Variants in TACC3 observed in about 807,000 individuals in gnomAD.
The protein encoded by TACC3 is transforming acidic coiled-coil containing protein 3.
In TACC3, 52 loss-of-function variants were observed where a neutral mutation model predicts 86.0. The ratio of observed to expected loss-of-function variants is 0.60; its 90% confidence interval spans 0.48 to 0.76. The LOEUF (loss-of-function observed/expected upper bound fraction) is 0.76. TACC3 is among the 30% of genes least tolerant of loss of function. The pLI is 0.00. For synonymous variants in TACC3, 512 were observed against 430.0 expected (o/e 1.19, Z -2.36); for missense variants, 1,120 against 1,070.4 (o/e 1.05, Z -0.65).
At chr4:1,730,063 G>T (rs1028533161) in intron 4 of TACC3, among the ~76,000 whole-genome samples, 5 of 145,978 alleles carry the variant, frequency 3.4e-5, no homozygotes, top group Non-Finnish European at 6.1e-5. Flanking sequence ...TTTTGAGACA[G>T]AGTCTCGCTC....
chr4:1,737,835 C>T (rs1270503107), intron 10 of TACC3, 133 bp downstream of exon 10: 1 of 898,714 alleles, frequency 1.1e-6, no homozygotes. Flanking sequence ...GGTGGAATTG[C>T]AGAGAGCTGC....
intron 13 of TACC3, chr4:1,741,219 C>T (rs1002023668): frequency 4.5e-5 from 19 of 426,784 alleles, no homozygotes; most frequent in Middle Eastern, 6.3e-4. Flanking sequence ...CCATCTGAGC[C>T]GTCCGCTGTT....
rs567264061 is a variant in TACC3 at position 1,722,604 on chromosome 4, C to A, written c.-1-817C>A. On this transcript the variant is annotated intron_variant, in intron 1 of 15. Transcript: ENST00000313288. Reference sequence around the variant, plus strand: ...GACCCTCCCCAACTTTGCTCTTCTTCAAATCAAAGCCTCCCCAGGTCCCCC... The same window carrying A: ...GACCCTCCCCAACTTTGCTCTTCTTAAAATCAAAGCCTCCCCAGGTCCCCC... Among the ~76,000 whole-genome samples, 13 of 152,328 alleles carry A rather than the reference C, an allele frequency of 8.5e-5. No homozygotes were observed. In the South Asian group the frequency reaches 2.7e-3, roughly 32 times the overall value.
rs895212633 is a variant in TACC3 at position 1,735,429 on chromosome 4, C to A, written c.1644+104C>A. The A allele has an allele frequency of 7.6e-7, 1 of 1,319,422 alleles. No homozygotes were observed. The highest frequency in any genetic ancestry group is 1.1e-6 in the Non-Finnish European group (1 of 921,580). The allele number at this position is 1,319,422 out of a possible 1,614,324, so 81.7% of individuals were successfully genotyped here. A position where few individuals can be genotyped will look rare whatever the true frequency, so the allele number is the denominator to read the frequency against. On this transcript the variant is annotated intron_variant, in intron 7 of 15. Transcript: ENST00000313288. The surrounding 1 kb of genome is among the most constrained non-coding windows in gnomAD (Gnocchi z 4.2). The stretch of plus-strand genomic sequence containing the variant: ...TCCCTTGGTGCCCACGTCCCCCCAG[C>A]TGCACACAGGCCCAGGCATTGTGGC...
chr4:1,739,966 A>G lies in TACC3; in HGVS notation c.2026A>G (p.Met676Val), dbSNP rs1358014440. ...TCTGTTCTCCTCCCACAGGAAGATC[A>G]TGGACAGGTTCGAAGAGGTTGTGTA... ...HGKNLELGKI[M>V]DRFEEVVYQA... The change falls in exon 12 of 16, where the codon ATG becomes GTG. Residue 676 changes from methionine to valine, a missense_variant. By Grantham distance (21) the Met-to-Val change is conservative. Coordinates refer to ENST00000313288, the MANE Select transcript of TACC3 (RefSeq NM_006342.3). 1.2e-6 allele frequency: 2 copies of G among 1,612,964 alleles called. No homozygotes were observed.
rs199888545 is a variant in TACC3 at position 1,735,677 on chromosome 4, C to T, written c.1645-54C>T. 26 of 1,430,694 alleles carry T rather than the reference C, an allele frequency of 1.8e-5. No homozygotes were observed. Among genetic ancestry groups the T allele is most frequent in the Non-Finnish European group, 2.1e-5 (21 of 1,017,428 alleles). 88.6% of individuals were successfully genotyped at this position (1,430,694 alleles called of 1,614,324 possible). A position where few individuals can be genotyped will look rare whatever the true frequency, so the allele number is the denominator to read the frequency against. ...GGTGACCTCCCTGGCCCTTAGCCCCCGTGTGTGTTAGGGGATGGCAGTCAG... is the reference window on the plus strand; with the variant it reads ...GGTGACCTCCCTGGCCCTTAGCCCCTGTGTGTGTTAGGGGATGGCAGTCAG... On this transcript the variant is annotated intron_variant, in intron 7 of 15. Transcript: ENST00000313288. This position sits in a 1 kb window ranked among gnomAD's most constrained non-coding sequence, Gnocchi z 4.2.
At chr4:1,724,002 T>G in intron 3 of TACC3, 132 bp downstream of exon 3, 1 of 1,020,568 alleles carries the variant, frequency 9.8e-7, no homozygotes, top group Admixed American at 2.3e-5. Flanking sequence ...GGAGTCTCGC[T>G]CTGTTGCCCA....
At chr4:1,738,547 A>G (rs924844949) in intron 10 of TACC3, among the ~76,000 whole-genome samples, 9 of 152,342 alleles carry the variant, frequency 5.9e-5, no homozygotes, top group African/African-American at 1.9e-4. Context: ...GAAATGCACA[A>G]TGCTTGTTCT....
At chr4:1,737,418 C>A in intron 9 of TACC3, 90 bp downstream of exon 9, 2 of 1,365,300 alleles carry the variant, frequency 1.5e-6, no homozygotes, top group Non-Finnish European at 2.1e-6. Flanking sequence ...TCCTGGGGGT[C>A]TGAGCCTTTG....
At chr4:1,733,000 T>C (rs1437880346) in intron 6 of TACC3, among the ~76,000 whole-genome samples, 1 of 152,222 alleles carries the variant, frequency 6.6e-6, no homozygotes, top group East Asian at 1.9e-4. Flanking sequence ...ACCTTTTAGC[T>C]ACCAGGTGGC....
intron 8 of TACC3, among the ~76,000 whole-genome samples, chr4:1,736,078 T>G (rs1718249031): frequency 6.6e-6 from 1 of 152,256 alleles, no homozygotes; most frequent in Non-Finnish European, 1.5e-5. Flanking sequence ...GCCACCGTTC[T>G]AGGTATATTA....
Position 1,744,582 on chromosome 4 carries a change from G to A in TACC3, c.2288G>A (p.Arg763Lys), listed in dbSNP as rs1326870982. ...GCAAGGATCACCCAGGAGGGCCAGA[G>A]GTACCAAGCCCTGAAGGCCCACGCG... ...YLARITQEGQ[R>K]YQALKAHAEE... is the part of the protein sequence containing the mutation. The change falls in exon 14 of 16, where the codon AGG becomes AAG. Residue 763 changes from arginine (R) to lysine (K), a missense_variant. Arg to Lys is a conservative substitution (Grantham distance 26). Transcript: ENST00000313288. The A allele has an allele frequency of 3.1e-6, 5 of 1,613,164 alleles. No individual in the cohort carries two copies. Among genetic ancestry groups the A allele is most frequent in the Non-Finnish European group, 4.2e-6 (5 of 1,180,014 alleles).
rs1717678682 is a variant in TACC3 at position 1,726,170 on chromosome 4, T to G, written c.306-1538T>G. Among the ~76,000 whole-genome samples the G allele has an allele frequency of 2.0e-5, 3 of 152,122 alleles. No homozygotes were observed. In the South Asian group the frequency reaches 6.2e-4, roughly 32 times the overall value. The stretch of plus-strand genomic sequence containing the variant: ...GGCCCTGCGCCATGCAGTCCCACAT[T>G]GTGAGCAGCGAGTGCCCCAGAGACA... On this transcript the variant is annotated intron_variant, in intron 3 of 15. Coordinates refer to ENST00000313288, the MANE Select transcript of TACC3 (RefSeq NM_006342.3).
intron 9 of TACC3, 25 bp from the exon 10 acceptor site, chr4:1,737,573 C>T: frequency 6.8e-7 from 1 of 1,473,490 alleles, no homozygotes; most frequent in Non-Finnish European, 9.1e-7. Context: ...GAAATGGGTT[C>T]CTGTTTCATC....
intron 6 of TACC3, 38 bp downstream of exon 6, chr4:1,731,339 C>A: frequency 1.2e-6 from 2 of 1,600,194 alleles, no homozygotes; most frequent in South Asian, 1.1e-5. Flanking sequence ...ACAGTCTGCC[C>A]GGAGGGGATC....
At position 1,744,808 on chromosome 4, in the gene TACC3, G is replaced by C; in HGVS notation, c.2427G>C (p.Ser809=). 6.2e-7 allele frequency: 1 copy of C among 1,612,928 alleles called. No individual in the cohort carries two copies. The highest frequency in any genetic ancestry group is 8.5e-7 in the Non-Finnish European group (1 of 1,180,028). Residue 809 remains serine, a synonymous_variant, in exon 15 of 16, where the codon TCG becomes TCC. Transcript: ENST00000313288. ...SLRKEQMRIQ[S]LEKTVEQKTK... ...GGAAGGAGCAGATGCGCATCCAGTC[G>C]CTGGAGAAGACAGTGGAGCAGAAGG...
intron 6 of TACC3, among the ~76,000 whole-genome samples, chr4:1,732,989 C>A: frequency 6.6e-6 from 1 of 152,212 alleles, no homozygotes; most frequent in East Asian, 1.9e-4. Flanking sequence ...TAACTCTGCT[C>A]ACCTTTTAGC....
chr4:1,745,123 T>C lies in TACC3; in HGVS notation c.*110T>C. ...TCTTGTCTTCAACTTTTTTAAAAAC[T>C]AGATTGCTTTGAAAACATGACTCAA... On this transcript the variant is annotated 3_prime_UTR_variant, in exon 16 of 16. Coordinates refer to ENST00000313288, the MANE Select transcript of TACC3 (RefSeq NM_006342.3). 8.8e-7 allele frequency: 1 copy of C among 1,140,456 alleles called. No homozygotes were observed. Among genetic ancestry groups the C allele is most frequent in the Non-Finnish European group, 1.2e-6 (1 of 804,220 alleles). 70.6% of individuals were successfully genotyped at this position (1,140,456 alleles called of 1,614,324 possible).
At chr4:1,725,859 C>T (rs1665365) in intron 3 of TACC3, among the ~76,000 whole-genome samples, 27,817 of 152,282 alleles carry the variant, frequency 0.18, 2,803 homozygotes, top group African/African-American at 0.21. Context: ...AGAGGACAGC[C>T]GAGTGGCCGC....
Sources: allele counts gnomAD v4.1 joint callset (sites outside exome capture counted in the v4.1 genomes callset), GRCh38; gene constraint gnomAD v4.1.1; non-coding constraint Gnocchi (gnomAD v3.1); transcripts MANE v1.5; gene names NCBI Gene and HGNC (gene_info 2026-07-23, HGNC 2026-07-21).